GPHN: variants seen among roughly 807,000 people sequenced by gnomAD.
GPHN encodes the protein gephyrin.
Under a neutral mutation model 95.5 loss-of-function variants are expected in GPHN, and 17 were observed. That is an observed-to-expected ratio of 0.18 (90% CI 0.12 to 0.27). The LOEUF is 0.27. GPHN is among the 10% of genes least tolerant of loss of function. GPHN has a pLI of 1.00. For missense variants in GPHN, 660 were observed against 978.1 expected (o/e 0.67, Z 4.34); for synonymous variants, 320 against 322.5 (o/e 0.99, Z 0.08).
At chr14:67,107,519 A>G (rs2078111210) in intron 13 of GPHN, among the ~76,000 whole-genome samples, 1 of 152,184 alleles carries the variant, frequency 6.6e-6, no homozygotes, top group South Asian at 2.1e-4. Context: ...AGTACTGACC[A>G]AACTCCAAAG....
chr14:67,422,089 G>A, the GPHN span, among the ~76,000 whole-genome samples: 4 of 152,164 alleles, frequency 2.6e-5, no homozygotes, highest in African/African-American at 4.8e-5. Flanking sequence ...TCAGCTGAGA[G>A]CATGCTTTTG....
intron 12 of GPHN, among the ~76,000 whole-genome samples, chr14:67,099,496 A>T (rs188822225): frequency 6.5e-4 from 99 of 152,008 alleles, no homozygotes; most frequent in Admixed American, 2.4e-3. Flanking sequence ...TTACAATAAA[A>T]CTCTTCTATA....
chr14:67,493,646 G>T, the GPHN span, among the ~76,000 whole-genome samples: 3 of 152,162 alleles, frequency 2.0e-5, no homozygotes, highest in African/African-American at 7.2e-5. Flanking sequence ...CTGTTGGGGT[G>T]AGCATCAGGC....
intron 5 of GPHN, among the ~76,000 whole-genome samples, chr14:66,900,095 T>C (rs1171662895): frequency 6.6e-6 from 1 of 152,036 alleles, no homozygotes; most frequent in Non-Finnish European, 1.5e-5. Context: ...TGAGAGTCTG[T>C]ATTAATACGC....
At chr14:67,293,757 T>A in the GPHN span, among the ~76,000 whole-genome samples, 6 of 152,148 alleles carry the variant, frequency 3.9e-5, no homozygotes, top group African/African-American at 1.4e-4. Flanking sequence ...CACAGGCAAG[T>A]GAACTGGTTT....
At chr14:66,644,850 A>C (rs1358613022) in intron 1 of GPHN, among the ~76,000 whole-genome samples, 2 of 152,160 alleles carry the variant, frequency 1.3e-5, no homozygotes, top group Admixed American at 1.3e-4. Context: ...AGTTTTGAAT[A>C]AGCTAATGAT....
chr14:66,807,527 G>A (rs979414097), intron 3 of GPHN, among the ~76,000 whole-genome samples: 3 of 152,102 alleles, frequency 2.0e-5, no homozygotes, highest in Non-Finnish European at 4.4e-5. Flanking sequence ...ATCATTCTGC[G>A]TGAATGCTAT....
chr14:67,638,531 C>T, the GPHN span, among the ~76,000 whole-genome samples: 4 of 152,180 alleles, frequency 2.6e-5, no homozygotes, highest in Non-Finnish European at 5.9e-5. Context: ...TCTTCTTTGA[C>T]GCCCCTGATC....
At chr14:67,208,758 G>A in the GPHN span, among the ~76,000 whole-genome samples, 17 of 152,106 alleles carry the variant, frequency 1.1e-4, no homozygotes, top group Admixed American at 2.6e-4. Flanking sequence ...TTAGCCAGGC[G>A]CGGTGGCGGG....
intron 1 of GPHN, among the ~76,000 whole-genome samples, chr14:66,520,600 T>C (rs2058438718): frequency 6.6e-6 from 1 of 152,166 alleles, no homozygotes; most frequent in African/African-American, 2.4e-5. Flanking sequence ...TTTCTTCTTA[T>C]AGTCAGAATT....
intron 3 of GPHN, among the ~76,000 whole-genome samples, chr14:66,818,413 C>G (rs2061062651): frequency 6.6e-6 from 1 of 152,106 alleles, no homozygotes. Context: ...CCATCCGTGT[C>G]CCTGCAAAGA....
chr14:66,633,914 GT>G lies in GPHN; in HGVS notation c.65-47190del, dbSNP rs2063958527. Among the ~76,000 whole-genome samples the G allele has an allele frequency of 2.7e-5, 4 of 149,854 alleles. No homozygotes were observed. In the South Asian group the frequency reaches 8.4e-4, roughly 32 times the overall value. On this transcript the variant is annotated intron_variant, in intron 1 of 22. Coordinates refer to ENST00000478722, the MANE Select transcript of GPHN (RefSeq NM_020806.5). ...CATTGCAGGATGCTTTAAGACATTG[GT>G]TTGGGAAAAGATTTAGTTTCTGGGT... is the stretch of plus-strand genomic sequence containing the variant.
the GPHN span, among the ~76,000 whole-genome samples, chr14:67,190,210 C>T: frequency 6.8e-6 from 1 of 146,034 alleles, no homozygotes; most frequent in Admixed American, 6.9e-5. Context: ...CCACTGTGCC[C>T]AGCCTTTTGT....
Position 66,693,383 on chromosome 14 carries a change from G to A in GPHN, c.143+12198G>A, listed in dbSNP as rs191907659. ...AGACAGTTTCTTAAAGGTAAGTGTA[G>A]TAGTCAGAGTTCTCCAAGAAACAGA... On this transcript the variant is annotated intron_variant, in intron 2 of 22. Coordinates refer to ENST00000478722, the MANE Select transcript of GPHN (RefSeq NM_020806.5). Among the ~76,000 whole-genome samples the A allele has an allele frequency of 1.2e-3, 190 of 152,274 alleles. 9 individuals carry two copies. The East Asian group carries it at 0.019, about 15-fold the overall frequency.
intron 17 of GPHN, among the ~76,000 whole-genome samples, chr14:67,133,028 A>G (rs904105549): frequency 6.6e-6 from 1 of 152,078 alleles, no homozygotes; most frequent in Non-Finnish European, 1.5e-5. Flanking sequence ...CTTTCTTTAC[A>G]TGACTCCATG....
the GPHN span, chr14:67,659,872 G>A: frequency 6.2e-7 from 1 of 1,614,050 alleles, no homozygotes; most frequent in African/African-American, 1.3e-5. Flanking sequence ...ACATCATGGG[G>A]TTTCGGAAAG....
the GPHN span, chr14:67,388,241 T>C: frequency 6.2e-7 from 1 of 1,613,036 alleles, no homozygotes; most frequent in Non-Finnish European, 8.5e-7. Context: ...AACGCCATTA[T>C]CTTCCAGAGC....
chr14:67,136,835 A>C (rs116772167), intron 17 of GPHN, among the ~76,000 whole-genome samples: 398 of 152,264 alleles, frequency 2.6e-3, no homozygotes, highest in African/African-American at 9.0e-3. Flanking sequence ...TTAGGTATTT[A>C]ATTATTCAAA....
the GPHN span, among the ~76,000 whole-genome samples, chr14:67,705,172 A>G: frequency 6.6e-6 from 1 of 152,228 alleles, no homozygotes; most frequent in Non-Finnish European, 1.5e-5. Context: ...GAATGATTTT[A>G]TAAGAAAGTT....
Sources: gnomAD v4.1 joint callset for allele counts (sites outside exome capture counted in the v4.1 genomes callset) on GRCh38, gnomAD v4.1.1 for gene constraint, MANE v1.5 for transcripts, NCBI Gene and HGNC (gene_info 2026-07-23, HGNC 2026-07-21) for gene names.